PDE10A: variants seen among roughly 807,000 people sequenced by gnomAD.
PDE10A encodes the protein cAMP and cAMP-inhibited cGMP 3',5'-cyclic phosphodiesterase 10A.
In PDE10A, 39 loss-of-function variants were observed where a neutral mutation model predicts 97.7. The ratio of observed to expected loss-of-function variants is 0.40; its 90% confidence interval spans 0.31 to 0.52. PDE10A has a LOEUF of 0.52. PDE10A is among the 20% of genes least tolerant of loss of function. The probability of loss-of-function intolerance (pLI) is 0.56; values close to 1 mark genes in which losing one functional copy is unlikely to be tolerated. For synonymous variants in PDE10A, 371 were observed against 376.8 expected (o/e 0.98, Z 0.18); for missense variants, 731 against 1,047.8 (o/e 0.70, Z 4.17).
intron 2 of PDE10A, among the ~76,000 whole-genome samples, chr6:165,506,898 T>C (rs1250229209): frequency 6.6e-6 from 1 of 152,186 alleles, no homozygotes; most frequent in Non-Finnish European, 1.5e-5. Flanking sequence ...CATTCTCTGA[T>C]GTCTTTGTCC....
At chr6:165,933,958 T>C (rs896373530) in intron 1 of PDE10A, among the ~76,000 whole-genome samples, 5 of 151,378 alleles carry the variant, frequency 3.3e-5, no homozygotes, top group African/African-American at 4.9e-5. Flanking sequence ...AGCTCCAGTT[T>C]GCAATTTTTC....
At chr6:165,554,954 G>C (rs982824748) in intron 1 of PDE10A, among the ~76,000 whole-genome samples, 1 of 152,100 alleles carries the variant, frequency 6.6e-6, no homozygotes, top group African/African-American at 2.4e-5. Context: ...TTATTTGTGG[G>C]ATCTAAAAAT....
upstream of PDE10A, among the ~76,000 whole-genome samples, chr6:165,667,257 G>A (rs1790520321): frequency 6.6e-6 from 1 of 152,070 alleles, no homozygotes; most frequent in African/African-American, 2.4e-5. Flanking sequence ...GGTTGCATGA[G>A]TAAGTTCTAT....
At chr6:165,915,039 C>T (rs1431701957) in intron 1 of PDE10A, among the ~76,000 whole-genome samples, 1 of 152,174 alleles carries the variant, frequency 6.6e-6, no homozygotes, top group Non-Finnish European at 1.5e-5. Flanking sequence ...CATCAAATAG[C>T]ATTTAGGCAC....
At chr6:165,865,661 A>G (rs1781022553) in intron 1 of PDE10A, among the ~76,000 whole-genome samples, 1 of 152,104 alleles carries the variant, frequency 6.6e-6, no homozygotes, top group Non-Finnish European at 1.5e-5. Flanking sequence ...TACAATCAAG[A>G]GCTTCAACAA....
intron 18 of PDE10A, among the ~76,000 whole-genome samples, chr6:165,362,408 A>T (rs1234634100): frequency 1.3e-5 from 2 of 152,172 alleles, no homozygotes; most frequent in African/African-American, 4.8e-5. Context: ...AATAAAAAGG[A>T]TCATAAAGAA....
chr6:165,676,904 G>C (rs548196426), intron 1 of PDE10A, among the ~76,000 whole-genome samples: 1 of 152,224 alleles, frequency 6.6e-6, no homozygotes, highest in Non-Finnish European at 1.5e-5. Flanking sequence ...TCACAGCATG[G>C]CTGGGGCCTC....
intron 1 of PDE10A, among the ~76,000 whole-genome samples, chr6:165,683,651 C>T (rs564034465): frequency 2.0e-5 from 3 of 152,226 alleles, no homozygotes; most frequent in African/African-American, 7.2e-5. Context: ...CCTCCCTGAC[C>T]GTGTGAGGTA....
intron 1 of PDE10A, among the ~76,000 whole-genome samples, chr6:165,920,108 A>T (rs1015554472): frequency 6.6e-6 from 1 of 152,194 alleles, no homozygotes; most frequent in Non-Finnish European, 1.5e-5. Flanking sequence ...CTGGTTACAA[A>T]TTTTTTTGGA....
intron 13 of PDE10A, among the ~76,000 whole-genome samples, chr6:165,397,847 T>C (rs1786299982): frequency 1.3e-5 from 2 of 152,096 alleles, no homozygotes; most frequent in South Asian, 4.1e-4. Flanking sequence ...TGTTTGATTG[T>C]GAAAACCTTA....
chr6:165,609,350 G>A (rs1306287085), intron 1 of PDE10A, among the ~76,000 whole-genome samples: 1 of 152,160 alleles, frequency 6.6e-6, no homozygotes, highest in African/African-American at 2.4e-5. Context: ...GTACTGATGG[G>A]ACATCTCTCA....
intron 1 of PDE10A, among the ~76,000 whole-genome samples, chr6:165,573,065 T>C (rs1785124256): frequency 6.6e-6 from 1 of 152,190 alleles, no homozygotes; most frequent in Non-Finnish European, 1.5e-5. Context: ...CTAGGCTATT[T>C]AGATTTTCAG....
At chr6:165,816,953 A>C (rs1175054438) in intron 1 of PDE10A, among the ~76,000 whole-genome samples, 1 of 152,174 alleles carries the variant, frequency 6.6e-6, no homozygotes. Flanking sequence ...TGGGAGAAGC[A>C]ATGGGGCCAT....
chr6:165,964,161 G>T (rs934564281), intron 1 of PDE10A, among the ~76,000 whole-genome samples: 4 of 151,996 alleles, frequency 2.6e-5, no homozygotes, highest in African/African-American at 9.7e-5. Flanking sequence ...TTCATTATCA[G>T]CCTGAAGGCA....
chr6:165,790,051 T>C (rs534207654), intron 1 of PDE10A, among the ~76,000 whole-genome samples: 2 of 152,352 alleles, frequency 1.3e-5, no homozygotes, highest in African/African-American at 2.4e-5. Context: ...TCTGAAGATA[T>C]GCAAACTAAT....
intron 1 of PDE10A, among the ~76,000 whole-genome samples, chr6:165,841,479 A>G (rs1346723388): frequency 6.6e-6 from 1 of 152,178 alleles, no homozygotes; most frequent in Non-Finnish European, 1.5e-5. Flanking sequence ...CAGCGCACAC[A>G]CCATTGCTGG....
chr6:165,504,610 GC>G (rs1299513503), intron 2 of PDE10A, among the ~76,000 whole-genome samples: 1 of 152,026 alleles, frequency 6.6e-6, no homozygotes, highest in Non-Finnish European at 1.5e-5. Flanking sequence ...TTTGAATTTT[GC>G]AGCTGATTTT....
intron 2 of PDE10A, among the ~76,000 whole-genome samples, chr6:165,540,389 C>G (rs1340073006): frequency 1.3e-5 from 2 of 152,088 alleles, no homozygotes; most frequent in African/African-American, 2.4e-5. Context: ...TTATGGGGTA[C>G]AGTGTGTTAC....
At chr6:165,648,897 C>T (rs1789540552) in intron 1 of PDE10A, among the ~76,000 whole-genome samples, 1 of 152,204 alleles carries the variant, frequency 6.6e-6, no homozygotes, top group African/African-American at 2.4e-5. Context: ...GATTTAAGTG[C>T]TCCACAGAGT....
Sources: gnomAD v4.1 joint callset for allele counts (sites outside exome capture counted in the v4.1 genomes callset) on GRCh38, gnomAD v4.1.1 for gene constraint, MANE v1.5 for transcripts, NCBI Gene and HGNC (gene_info 2026-07-23, HGNC 2026-07-21) for gene names.